Variants in NAP1L4 observed in about 807,000 individuals in gnomAD.
The protein encoded by NAP1L4 is nucleosome assembly protein 1-like 4.
A neutral mutation model predicts 58.2 loss-of-function variants in NAP1L4; 15 were observed. That is an observed-to-expected ratio of 0.26 (90% CI 0.17 to 0.40). NAP1L4 has a LOEUF of 0.40. NAP1L4 is among the 10% of genes least tolerant of loss of function. The pLI is 1.00. For synonymous variants in NAP1L4, 171 were observed against 155.6 expected, an observed-to-expected ratio of 1.10 and a Z score of -0.74; for missense variants, 384 against 451.1, an observed-to-expected ratio of 0.85 and a Z score of 1.35.
rs1283950539 is a variant in NAP1L4 at position 2,976,119 on chromosome 11, C to T, written c.78G>A (p.Lys26=). The T allele has an allele frequency of 5.6e-6, 9 of 1,612,296 alleles. No individual in the cohort carries two copies. The highest frequency in any genetic ancestry group is 5.0e-5 in the Admixed American group (3 of 59,610). ...GATTCTGCATCACCTGATCTGTGAG[C>T]TTTTCTATGAAGAGTTAAGACCAAA... ...EAAKNASNTE[K]LTDQVMQNPR... Residue 26 remains lysine (K), a synonymous_variant, in exon 4 of 16, where the codon AAG becomes AAA. Transcript: ENST00000380542.
At chr11:2,981,466 C>A (rs1291199528) in intron 1 of NAP1L4, among the ~76,000 whole-genome samples, 2 of 142,510 alleles carry the variant, frequency 1.4e-5, no homozygotes, top group African/African-American at 2.5e-5. Flanking sequence ...CCTACAATGG[C>A]TGGCTATGCT....
intron 1 of NAP1L4, among the ~76,000 whole-genome samples, chr11:2,985,418 T>C (rs937947173): frequency 1.3e-5 from 2 of 152,242 alleles, no homozygotes; most frequent in Non-Finnish European, 2.9e-5. Context: ...TTAAATGTTA[T>C]GTTCAGTTTA....
rs377493966 is a variant in NAP1L4, at chr11:2,978,354, G to C, written c.15-12C>G. ...CCCCATCTGAAAAACTAAAACAACA[G>C]TATGTTTAAAAAGTATTACTGTAAA... On this transcript the variant is annotated splice_polypyrimidine_tract_variant and intron_variant, in intron 2 of 15. Transcript: ENST00000380542. The C allele has an allele frequency of 6.2e-7, 1 of 1,612,680 alleles. No homozygotes were observed. The highest frequency in any genetic ancestry group is 8.5e-7 in the Non-Finnish European group (1 of 1,179,154).
chr11:2,945,780 T>A (rs1276753455), intron 15 of NAP1L4, 134 bp from the exon 16 acceptor site: 1 of 665,982 alleles, frequency 1.5e-6, no homozygotes, highest in Non-Finnish European at 2.3e-6. Flanking sequence ...AATATACTTT[T>A]AAAAATAGTG....
intron 1 of NAP1L4, among the ~76,000 whole-genome samples, chr11:2,982,057 G>C (rs1253978715): frequency 1.3e-5 from 2 of 152,178 alleles, no homozygotes; most frequent in African/African-American, 4.8e-5. Flanking sequence ...CATTCTAAGA[G>C]CTAAAACACC....
chr11:2,964,012 T>C (rs1847109332), intron 8 of NAP1L4: 1 of 448,048 alleles, frequency 2.2e-6, no homozygotes, highest in Admixed American at 2.3e-5. Context: ...ACTGGTAGGC[T>C]GATCCATGCC....
At chr11:2,968,748 G>A (rs1250726295) in intron 7 of NAP1L4, among the ~76,000 whole-genome samples, 1 of 152,210 alleles carries the variant, frequency 6.6e-6, no homozygotes, top group Admixed American at 6.5e-5. Context: ...CAGCTGTCCT[G>A]AGCAAGTCTG....
Position 2,948,002 on chromosome 11 carries a change from C to T in NAP1L4, c.*32+1225G>A, listed in dbSNP as rs1370412319. ...TCTTCCAGGGAGGCATACTGAAATA[C>T]GGATAGGTGGCACGCATCGAGGATT... is the stretch of plus-strand genomic sequence containing the variant. On this transcript the variant is annotated intron_variant, in intron 15 of 15. Coordinates refer to ENST00000380542, the MANE Select transcript of NAP1L4 (RefSeq NM_005969.4). The surrounding 1 kb of genome is among the most constrained non-coding windows in gnomAD (Gnocchi z 5.1). Among the ~76,000 whole-genome samples the T allele has an allele frequency of 2.6e-5, 4 of 152,244 alleles. No homozygotes were observed. Among genetic ancestry groups the T allele is most frequent in the South Asian group, 2.1e-4 (1 of 4,824 alleles).
intron 8 of NAP1L4, among the ~76,000 whole-genome samples, chr11:2,962,265 G>A (rs1846971291): frequency 6.6e-6 from 1 of 152,228 alleles, no homozygotes; most frequent in African/African-American, 2.4e-5. Context: ...GGGAGGTGGG[G>A]CATGTAGGGG....
chr11:2,951,862 G>A lies in NAP1L4; in HGVS notation c.1036-53C>T, dbSNP rs933859818. On this transcript the variant is annotated intron_variant, in intron 12 of 15. Transcript: ENST00000380542. This position sits in a 1 kb window ranked among gnomAD's most constrained non-coding sequence, Gnocchi z 4.0. ...GGTTTACAAAACATGACAGCAGCCT[G>A]CCCAAGACACCAGTCCCATCAAGTG... 1 of 1,554,578 alleles carries A rather than the reference G, an allele frequency of 6.4e-7. No individual in the cohort carries two copies.
chr11:2,979,858 T>A (rs187655315), intron 1 of NAP1L4, among the ~76,000 whole-genome samples: 1 of 152,216 alleles, frequency 6.6e-6, no homozygotes, highest in Admixed American at 6.5e-5. Flanking sequence ...ATTTGCCTTA[T>A]TTTTTATAAT....
At chr11:2,958,100 G>A (rs962336888) in intron 10 of NAP1L4, 45 of 547,020 alleles carry the variant, frequency 8.2e-5, no homozygotes, top group Non-Finnish European at 1.4e-4. Context: ...GCAAATACTC[G>A]ATTCAGTTTT....
intron 6 of NAP1L4, among the ~76,000 whole-genome samples, chr11:2,970,403 T>G (rs1426147886): frequency 6.6e-6 from 1 of 152,032 alleles, no homozygotes; most frequent in Non-Finnish European, 1.5e-5. Context: ...TTGTTAAAAT[T>G]TGTGGGGTGC....
intron 1 of NAP1L4, chr11:2,991,452 G>A (rs1266383539): frequency 5.6e-6 from 1 of 179,552 alleles, no homozygotes; most frequent in Non-Finnish European, 1.2e-5. Context: ...TTTTTTTTTG[G>A]AGATTTTGCT....
At chr11:2,978,731 CAAGTT>C (rs1207001621) in intron 2 of NAP1L4, among the ~76,000 whole-genome samples, 1 of 152,162 alleles carries the variant, frequency 6.6e-6, no homozygotes, top group Non-Finnish European at 1.5e-5. Flanking sequence ...GCAGTCTTAC[CAAGTT>C]AAGACAGTGC....
Position 2,944,852 on chromosome 11 carries a change from T to A in NAP1L4, c.*827A>T, listed in dbSNP as rs1445613749. On this transcript the variant is annotated 3_prime_UTR_variant, in exon 16 of 16. Transcript: ENST00000380542. ...CAGCCCTGGTGGCAGGGAGCGGCGT[T>A]TCTTCCGCACAGGCCTTGCGCCTGC... The A allele has an allele frequency of 1.3e-5, 2 of 152,216 alleles. No homozygotes were observed. The highest frequency in any genetic ancestry group is 2.9e-5 in the Non-Finnish European group (2 of 68,046). The allele number at this position is 152,216 out of a possible 1,614,324, so 9.4% of individuals were successfully genotyped here.
At chr11:2,963,066 C>T (rs1334658479) in intron 8 of NAP1L4, among the ~76,000 whole-genome samples, 1 of 129,296 alleles carries the variant, frequency 7.7e-6, no homozygotes, top group Non-Finnish European at 1.5e-5. Flanking sequence ...TATCACTGCA[C>T]TCCAGCCTGG....
chr11:2,964,153 G>A (rs1305528964), intron 8 of NAP1L4, among the ~76,000 whole-genome samples: 1 of 152,078 alleles, frequency 6.6e-6, no homozygotes, highest in Admixed American at 6.5e-5. Context: ...AACCTAGTAG[G>A]TTCAGATTTC....
At position 2,954,862 on chromosome 11, in the gene NAP1L4, T is replaced by C; in HGVS notation, c.916-216A>G. On this transcript the variant is annotated intron_variant, in intron 11 of 15. Coordinates refer to ENST00000380542, the MANE Select transcript of NAP1L4 (RefSeq NM_005969.4). The surrounding 1 kb of genome is among the most constrained non-coding windows in gnomAD (Gnocchi z 4.8). ...TACTGAAGCAAAATGGCAGAGAAAGTGGGAAGTGAGGGCCCTACAGCTCCA... is the reference window on the plus strand; with the variant it reads ...TACTGAAGCAAAATGGCAGAGAAAGCGGGAAGTGAGGGCCCTACAGCTCCA... 1.6e-6 allele frequency: 1 copy of C among 607,696 alleles called. No homozygotes were observed. The allele number at this position is 607,696 out of a possible 1,614,324, so 37.6% of individuals were successfully genotyped here.
Sources: gnomAD v4.1 joint callset for allele counts (sites outside exome capture counted in the v4.1 genomes callset) on GRCh38, gnomAD v4.1.1 for gene constraint, Gnocchi (gnomAD v3.1) non-coding constraint, MANE v1.5 for transcripts, NCBI Gene and HGNC (gene_info 2026-07-23, HGNC 2026-07-21) for gene names.